TRIM49: variants seen among roughly 807,000 people sequenced by gnomAD.
TRIM49 encodes tripartite motif containing 49.
In TRIM49, 5 loss-of-function variants were observed where a neutral mutation model predicts 27.4. That is an observed-to-expected ratio of 0.18 (90% CI 0.10 to 0.38). The LOEUF (loss-of-function observed/expected upper bound fraction) is 0.38. Among genes scored for constraint, TRIM49 ranks in the 10% least tolerant of loss-of-function variants. The pLI is 1.00. For synonymous variants in TRIM49, 69 were observed against 166.0 expected, an observed-to-expected ratio of 0.42 and a Z score of 4.49; for missense variants, 188 against 487.5, an observed-to-expected ratio of 0.39 and a Z score of 5.79.
At chr11:89,773,928 T>C in the TRIM49 span, among the ~76,000 whole-genome samples, 1 of 135,590 alleles carries the variant, frequency 7.4e-6, no homozygotes. Context: ...CAGAGCAAGA[T>C]ACCGTCTCAA....
At chr11:89,806,064 C>A (rs1225162328) in intron 2 of TRIM49, among the ~76,000 whole-genome samples, 1 of 150,070 alleles carries the variant, frequency 6.7e-6, no homozygotes, top group African/African-American at 2.5e-5. Context: ...CCACACAAAT[C>A]TAGATGGTAT....
chr11:89,805,215 G>A (rs1591515975), intron 2 of TRIM49, among the ~76,000 whole-genome samples: 1 of 151,038 alleles, frequency 6.6e-6, no homozygotes, highest in Non-Finnish European at 1.5e-5. Flanking sequence ...GGCTGTGCAA[G>A]CTCTGAACTA....
intron 1 of TRIM49, among the ~76,000 whole-genome samples, chr11:89,807,778 C>T (rs1306171625): frequency 1.3e-5 from 2 of 150,388 alleles, no homozygotes; most frequent in East Asian, 1.9e-4. Context: ...TCAAGTGGTC[C>T]TCTGGTCTCG....
the TRIM49 span, chr11:89,787,631 C>T: frequency 1.2e-6 from 1 of 802,174 alleles, no homozygotes; most frequent in Non-Finnish European, 1.9e-6. Context: ...GGTGGTGCCC[C>T]GGGTCCGCCT....
At chr11:89,777,233 T>A in the TRIM49 span, 1 of 1,548,450 alleles carries the variant, frequency 6.5e-7, no homozygotes. Context: ...CCTCAGAACA[T>A]CAACAGCTCA....
rs1246856278 is a variant in TRIM49, at chr11:89,801,074, T to C, written c.739-86A>G. ...TTCAGTGTGAGATTTGTACTCAGTT[T>C]CTGAAGATATTATTTCCCTACCATC... On this transcript the variant is annotated intron_variant, in intron 5 of 7. Transcript: ENST00000329758. 2.3e-6 allele frequency: 3 copies of C among 1,307,016 alleles called. 1 individual carries two copies. The African/African-American group carries it at 4.8e-5, about 21-fold the overall frequency. The allele number at this position is 1,307,016 out of a possible 1,614,324, so 81.0% of individuals were successfully genotyped here.
chr11:89,785,734 A>G, the TRIM49 span, among the ~76,000 whole-genome samples: 1 of 144,768 alleles, frequency 6.9e-6, no homozygotes, highest in South Asian at 2.1e-4. Context: ...AAATTATTTA[A>G]TTTTTAATCC....
chr11:89,798,838 CATATTGAGAGCCAAATGTGA>C (rs1949714473), intron 7 of TRIM49, among the ~76,000 whole-genome samples: 1 of 104,400 alleles, frequency 9.6e-6, no homozygotes, highest in African/African-American at 5.1e-5. Flanking sequence ...TGAAAACTTA[CATATTGAGAGCCAAATGTGA>C]GACCAACTTC....
intron 6 of TRIM49, among the ~76,000 whole-genome samples, chr11:89,800,547 T>C (rs1173993322): frequency 6.6e-6 from 1 of 150,906 alleles, no homozygotes; most frequent in African/African-American, 2.5e-5. Flanking sequence ...ATAGAGACCA[T>C]CCTGGCTAAC....
At chr11:89,772,243 T>C in the TRIM49 span, among the ~76,000 whole-genome samples, 1 of 137,886 alleles carries the variant, frequency 7.3e-6, no homozygotes, top group African/African-American at 3.2e-5. Flanking sequence ...AAAAATACTG[T>C]ATACACATAA....
At chr11:89,787,524 C>G in the TRIM49 span, 5 of 535,800 alleles carry the variant, frequency 9.3e-6, no homozygotes, top group Admixed American at 6.7e-5. Context: ...CCACCTGCCC[C>G]GCTGCCGGGG....
In TRIM49 at chr11:89,804,264, T is replaced by C. The variant is rs1949766975; in HGVS notation, c.206A>G (p.His69Arg). Reference sequence around the variant, plus strand: ...GGCAAGAGAAGCCATCTTCTTCAAATGAATGTTGGTTTTGAGGTTTATCTG... The same window carrying C: ...GGCAAGAGAAGCCATCTTCTTCAAACGAATGTTGGTTTTGAGGTTTATCTG... ...TEQINLKTNIHLKKMASLARK... is the reference protein window; with the variant it reads ...TEQINLKTNIRLKKMASLARK... Residue 69 changes from histidine to arginine, a missense_variant, in exon 3 of 8, where the codon CAT (histidine) becomes CGT (arginine). By Grantham distance (29) the His-to-Arg change is conservative (BLOSUM62 0). This residue lies in a region of TRIM49 where 37 missense variants were observed against 52.4 expected (regional missense o/e 0.71). Coordinates refer to ENST00000329758, the MANE Select transcript of TRIM49 (RefSeq NM_020358.2). 2 of 1,612,122 alleles carry C rather than the reference T, an allele frequency of 1.2e-6. No homozygotes were observed. Among genetic ancestry groups the C allele is most frequent in the African/African-American group, 1.3e-5 (1 of 74,272 alleles).
At chr11:89,800,529 G>A (rs1949726621) in intron 6 of TRIM49, among the ~76,000 whole-genome samples, 1 of 151,170 alleles carries the variant, frequency 6.6e-6, no homozygotes, top group Non-Finnish European at 1.5e-5. Flanking sequence ...GGATCACGGG[G>A]TCAGGAGATA....
In TRIM49 at chr11:89,804,337, C is replaced by T. The variant is rs1949768941; in HGVS notation, c.133G>A (p.Asp45Asn). Residue 45 changes from aspartate (D) to asparagine (N), a missense_variant, in exon 3 of 8, where the codon GAC becomes AAC. Asp to Asn is a conservative substitution (Grantham distance 23). This residue lies in a region of TRIM49 where 37 missense variants were observed against 52.4 expected (regional missense o/e 0.71). Coordinates refer to ENST00000329758, the MANE Select transcript of TRIM49 (RefSeq NM_020358.2). ...CRPCFYLNWQDIPFLVQCSEC... is the reference protein window; with the variant it reads ...CRPCFYLNWQNIPFLVQCSEC... ...GAGCACTGGACAAGAAATGGGATGTCTTGCCAGTTGAGGTAGAAACAAGGC... is the reference window on the plus strand; with the variant it reads ...GAGCACTGGACAAGAAATGGGATGTTTTGCCAGTTGAGGTAGAAACAAGGC... The T allele has an allele frequency of 6.2e-7, 1 of 1,611,656 alleles. No individual in the cohort carries two copies.
the TRIM49 span, chr11:89,776,959 T>A: frequency 9.3e-4 from 1,410 of 1,516,948 alleles, 7 homozygotes; most frequent in Non-Finnish European, 1.2e-3. Flanking sequence ...TTCTCACTTT[T>A]TTTTTTTTAA....
rs1056179757 is a variant in TRIM49 at position 89,808,505 on chromosome 11, G to T, written c.-259C>A. 8 of 150,972 alleles carry T rather than the reference G, an allele frequency of 5.3e-5. No individual in the cohort carries two copies. The highest frequency in any genetic ancestry group is 1.0e-4 in the Non-Finnish European group (7 of 67,968). The allele number at this position is 150,972 out of a possible 1,614,324, so 9.4% of individuals were successfully genotyped here. On this transcript the variant is annotated 5_prime_UTR_variant, in exon 1 of 8. Transcript: ENST00000329758. Reference sequence around the variant, plus strand: ...AGTCCATCAGGAAAAGAAATCCCCCGCTGGCTGGATCCCAGTGGTCATGAA... The same window carrying T: ...AGTCCATCAGGAAAAGAAATCCCCCTCTGGCTGGATCCCAGTGGTCATGAA...
At chr11:89,801,128 T>C in intron 5 of TRIM49, 140 bp from the exon 6 acceptor site, 6 of 1,510,796 alleles carry the variant, frequency 4.0e-6, no homozygotes, top group South Asian at 2.5e-5. Context: ...TTTCTGTTTC[T>C]TCTGTAAAGA....
intron 2 of TRIM49, among the ~76,000 whole-genome samples, chr11:89,806,190 T>A (rs928246311): frequency 6.6e-6 from 1 of 150,560 alleles, no homozygotes; most frequent in African/African-American, 2.5e-5. Context: ...TGATAACTAT[T>A]TGTGTATCTA....
chr11:89,791,340 C>T, the TRIM49 span, among the ~76,000 whole-genome samples: 5 of 152,314 alleles, frequency 3.3e-5, no homozygotes, highest in African/African-American at 1.2e-4. Context: ...TCCAGGAGAA[C>T]TTCCCCAACC....
Sources: gnomAD v4.1 joint callset for allele counts (sites outside exome capture counted in the v4.1 genomes callset) on GRCh38, gnomAD v4.1.1 for gene constraint, gnomAD v4.1.1 regional missense constraint, MANE v1.5 for transcripts, NCBI Gene and HGNC (gene_info 2026-07-23, HGNC 2026-07-21) for gene names.